The following FAM168A variants were observed in gnomAD, a reference collection of about 807,000 sequenced individuals.
FAM168A encodes the protein family with sequence similarity 168 member A, also known as protein FAM168A.
A neutral mutation model predicts 28.5 loss-of-function variants in FAM168A; 3 were observed. The ratio of observed to expected loss-of-function variants is 0.11; its 90% CI spans 0.05 to 0.27. The LOEUF is 0.27. Among genes scored for constraint, FAM168A ranks in the 10% least tolerant of loss-of-function variants. The pLI is 1.00. For missense variants in FAM168A, 222 were observed against 311.5 expected, an observed-to-expected ratio of 0.71 and a Z score of 2.16; for synonymous variants, 122 against 124.2, an observed-to-expected ratio of 0.98 and a Z score of 0.12.
chr11:73,476,483 G>A (rs1033894854), intron 1 of FAM168A, among the ~76,000 whole-genome samples: 9 of 151,804 alleles, frequency 5.9e-5, no homozygotes, highest in Admixed American at 2.0e-4. Flanking sequence ...GGTGGAATCC[G>A]AATCAAGAAT....
At chr11:73,476,217 G>C (rs1275215924) in intron 1 of FAM168A, among the ~76,000 whole-genome samples, 2 of 152,164 alleles carry the variant, frequency 1.3e-5, no homozygotes, top group African/African-American at 2.4e-5. Context: ...CTGGTAAAGG[G>C]TGGAAGCCTT....
chr11:73,520,887 A>G (rs1344591850), intron 1 of FAM168A, among the ~76,000 whole-genome samples: 1 of 151,948 alleles, frequency 6.6e-6, no homozygotes, highest in Non-Finnish European at 1.5e-5. Flanking sequence ...CAATCCCCCA[A>G]AGAAAATGGA....
chr11:73,557,647 G>C (rs1193131707), intron 1 of FAM168A, among the ~76,000 whole-genome samples: 13 of 152,086 alleles, frequency 8.5e-5, no homozygotes, highest in Admixed American at 8.5e-4. Context: ...ACCTCTTTTT[G>C]TAGAACTGGA....
At chr11:73,543,605 T>G (rs1943685370) in intron 1 of FAM168A, among the ~76,000 whole-genome samples, 1 of 152,186 alleles carries the variant, frequency 6.6e-6, no homozygotes, top group South Asian at 2.1e-4. Flanking sequence ...AATCGGGTCT[T>G]CCTCTAAACA....
intron 1 of FAM168A, among the ~76,000 whole-genome samples, chr11:73,490,728 G>A (rs1166125461): frequency 6.6e-6 from 1 of 152,102 alleles, no homozygotes; most frequent in East Asian, 1.9e-4. Context: ...CTACCTAAAA[G>A]TGCAAACCTT....
At chr11:73,482,196 T>C (rs1468412482) in intron 1 of FAM168A, among the ~76,000 whole-genome samples, 4 of 149,486 alleles carry the variant, frequency 2.7e-5, no homozygotes, top group African/African-American at 9.8e-5. Flanking sequence ...TTTTTTTTTT[T>C]TTTTTTTTTT....
intron 2 of FAM168A, among the ~76,000 whole-genome samples, chr11:73,434,784 T>C (rs1867060284): frequency 6.6e-6 from 1 of 152,238 alleles, no homozygotes; most frequent in South Asian, 2.1e-4. Flanking sequence ...GATTGATGTG[T>C]TGAAAACAGA....
At chr11:73,461,014 T>G (rs1461642965) in intron 2 of FAM168A, among the ~76,000 whole-genome samples, 1 of 152,246 alleles carries the variant, frequency 6.6e-6, no homozygotes, top group African/African-American at 2.4e-5. Context: ...GTTTGACATC[T>G]ATCTGTCCAT....
chr11:73,529,818 C>T (rs1294770376), intron 1 of FAM168A, among the ~76,000 whole-genome samples: 19 of 92,418 alleles, frequency 2.1e-4, no homozygotes, highest in Non-Finnish European at 5.8e-5. Flanking sequence ...TTTTTGGAGA[C>T]GCAGTCTTGC....
chr11:73,537,940 A>G (rs11235796), intron 1 of FAM168A, among the ~76,000 whole-genome samples: 12,793 of 152,246 alleles, frequency 0.084, 628 homozygotes, highest in Admixed American at 0.11. Context: ...TTAAGGAGAT[A>G]GGAAGAAAAA....
At chr11:73,596,313 G>A (rs1373249978) in intron 1 of FAM168A, among the ~76,000 whole-genome samples, 4 of 152,162 alleles carry the variant, frequency 2.6e-5, no homozygotes, top group Admixed American at 6.5e-5. Context: ...AAAAGGCAGA[G>A]ACATCATATA....
chr11:73,552,364 T>C (rs1943839644), intron 1 of FAM168A, among the ~76,000 whole-genome samples: 1 of 152,204 alleles, frequency 6.6e-6, no homozygotes, highest in South Asian at 2.1e-4. Context: ...CATGGTAACA[T>C]TTAACACTCT....
chr11:73,545,906 T>C lies in FAM168A; in HGVS notation c.-19+52017A>G, dbSNP rs536575080. Among the ~76,000 whole-genome samples the C allele has an allele frequency of 7.2e-5, 11 of 152,206 alleles. No homozygotes were observed. In the East Asian group the frequency reaches 2.1e-3, roughly 29 times the overall value. ...CAAAAAAACCCTGTGAGATGAGGGT[T>C]AGCAATTCACCCATCTTGCAGACAA... On this transcript the variant is annotated intron_variant, in intron 1 of 7. Coordinates refer to ENST00000356467, the MANE Select transcript of FAM168A (RefSeq NM_015159.3).
At chr11:73,541,364 C>T (rs73546720) in intron 1 of FAM168A, among the ~76,000 whole-genome samples, 11,769 of 151,454 alleles carry the variant, frequency 0.078, 555 homozygotes, top group Non-Finnish European at 0.11. Flanking sequence ...AGACAAGTGC[C>T]TAAACTTCTT....
chr11:73,468,276 A>G (rs1867765939), intron 2 of FAM168A, 129 bp downstream of exon 2: 1 of 728,682 alleles, frequency 1.4e-6, no homozygotes, highest in Admixed American at 2.8e-5. Flanking sequence ...TGGACCTCAG[A>G]CATATCTTCT....
At chr11:73,514,660 C>T (rs976864324) in intron 1 of FAM168A, among the ~76,000 whole-genome samples, 2 of 152,144 alleles carry the variant, frequency 1.3e-5, no homozygotes, top group African/African-American at 2.4e-5. Context: ...GGCAAGACCC[C>T]TGTCTATACA....
chr11:73,547,783 A>T (rs1233082746), intron 1 of FAM168A, among the ~76,000 whole-genome samples: 1 of 152,190 alleles, frequency 6.6e-6, no homozygotes, highest in African/African-American at 2.4e-5. Context: ...ATCTGTGTTC[A>T]GTGCAGCATT....
rs989961255 is a variant in FAM168A, at chr11:73,484,608, C to T, written c.-18-16116G>A. 2.2e-4 allele frequency among the ~76,000 whole-genome samples: 23 copies of T among 105,314 alleles called. 1 individual carries two copies. Among genetic ancestry groups the T allele is most frequent in the African/African-American group, 6.6e-4 (19 of 28,936 alleles). The allele number at this position is 105,314 out of a possible 152,430, so 69.1% of individuals were successfully genotyped here. On this transcript the variant is annotated intron_variant, in intron 1 of 7. Transcript: ENST00000356467. ...TCTATCTATATATCGATATCTATAT[C>T]GATATATATCTATATATAGATATCT...
At chr11:73,550,529 C>G (rs1943812438) in intron 1 of FAM168A, among the ~76,000 whole-genome samples, 2 of 151,992 alleles carry the variant, frequency 1.3e-5, no homozygotes, top group Non-Finnish European at 2.9e-5. Flanking sequence ...GTGGCAGGTG[C>G]CTATAGTCCT....
Sources: gnomAD v4.1 joint callset for allele counts (sites outside exome capture counted in the v4.1 genomes callset) on GRCh38, gnomAD v4.1.1 for gene constraint, MANE v1.5 for transcripts, NCBI Gene and HGNC (gene_info 2026-07-23, HGNC 2026-07-21) for gene names.